The following ITPR2 variants were observed in gnomAD, a reference collection of about 807,000 sequenced individuals.
ITPR2 encodes inositol 1,4,5-trisphosphate-gated calcium channel ITPR2.
In ITPR2, 207 loss-of-function variants were observed where a neutral mutation model predicts 317.1. The observed-to-expected ratio is 0.65, with a 90% CI of 0.58 to 0.73. ITPR2 has a LOEUF of 0.73. Among genes scored for constraint, ITPR2 ranks in the 30% least tolerant of loss-of-function variants. The pLI is 0.00. For synonymous variants in ITPR2, 1,156 were observed against 1,149.1 expected, an observed-to-expected ratio of 1.01 and a Z score of -0.12; for missense variants, 2,613 against 3,284.0, an observed-to-expected ratio of 0.80 and a Z score of 4.99.
At chr12:26,618,914 T>C (rs1946431916) in intron 26 of ITPR2, among the ~76,000 whole-genome samples, 1 of 152,358 alleles carries the variant, frequency 6.6e-6, no homozygotes, top group African/African-American at 2.4e-5. Flanking sequence ...ATATTTCTTA[T>C]GTTTTAGAAA....
At chr12:26,529,340 C>A (rs1050968151) in intron 37 of ITPR2, among the ~76,000 whole-genome samples, 40 of 152,184 alleles carry the variant, frequency 2.6e-4, no homozygotes, top group African/African-American at 9.4e-4. Flanking sequence ...GTCACTGAGC[C>A]CTTTCTAGCC....
At chr12:26,590,636 A>C (rs1945674730) in intron 32 of ITPR2, among the ~76,000 whole-genome samples, 1 of 152,212 alleles carries the variant, frequency 6.6e-6, no homozygotes. Context: ...TGGATTAAAG[A>C]CTTAAATCTG....
chr12:26,381,898 T>C (rs1229584188), intron 55 of ITPR2, among the ~76,000 whole-genome samples: 4 of 152,194 alleles, frequency 2.6e-5, no homozygotes, highest in Non-Finnish European at 5.9e-5. Flanking sequence ...TTTTTCAAAT[T>C]AAGTACAAAT....
chr12:26,429,768 C>T (rs1195986946), intron 48 of ITPR2, among the ~76,000 whole-genome samples: 2 of 152,212 alleles, frequency 1.3e-5, no homozygotes, highest in Non-Finnish European at 2.9e-5. Flanking sequence ...TATCAACTCC[C>T]CAAGTCATAC....
chr12:26,719,383 T>C (rs550114098), intron 5 of ITPR2, among the ~76,000 whole-genome samples: 2 of 152,334 alleles, frequency 1.3e-5, no homozygotes, highest in African/African-American at 4.8e-5. Flanking sequence ...TTCACTCTAG[T>C]ACACAAACAT....
At chr12:26,623,826 AGTCAT>A (rs1946558335) in intron 24 of ITPR2, among the ~76,000 whole-genome samples, 2 of 152,232 alleles carry the variant, frequency 1.3e-5, no homozygotes, top group South Asian at 4.1e-4. Context: ...AAAGGAGGCT[AGTCAT>A]GTCAAAGGTG....
At position 26,481,258 on chromosome 12, in the gene ITPR2, T is replaced by A. The variant is rs1199079193; in HGVS notation, c.6013-17A>T. ...GATACAGGTCTAGAAAACAAAATAT[T>A]TGTAAAATATCATTTTATTCACAAC... On this transcript the variant is annotated splice_polypyrimidine_tract_variant and intron_variant, in intron 42 of 56. Coordinates refer to ENST00000381340, the MANE Select transcript of ITPR2 (RefSeq NM_002223.4). The A allele has an allele frequency of 7.3e-7, 1 of 1,369,476 alleles. No individual in the cohort carries two copies. The highest frequency in any genetic ancestry group is 1.0e-6 in the Non-Finnish European group (1 of 960,100). 84.8% of individuals were successfully genotyped at this position (1,369,476 alleles called of 1,614,324 possible). A position where few individuals can be genotyped will look rare whatever the true frequency, so the allele number is the denominator to read the frequency against.
rs2137256530 is a variant in ITPR2, at chr12:26,807,408, A to C, written c.93-17181T>G. Among the ~76,000 whole-genome samples the C allele has an allele frequency of 1.3e-5, 2 of 152,282 alleles. 1 individual carries two copies. Among genetic ancestry groups the C allele is most frequent in the African/African-American group, 4.8e-5 (2 of 41,548 alleles). On this transcript the variant is annotated intron_variant, in intron 1 of 56. Transcript: ENST00000381340. ...TCCCACCCAGAATCAACCTGCACTG[A>C]TTCTACTTATGAACCCAGCCAAGCA...
At chr12:26,556,425 C>T (rs1466736943) in intron 35 of ITPR2, 50 bp from the exon 36 acceptor site, 2 of 1,566,150 alleles carry the variant, frequency 1.3e-6, no homozygotes, top group Non-Finnish European at 1.7e-6. Flanking sequence ...AGTCAGATTT[C>T]ATCTTTCGAA....
chr12:26,442,074 C>T (rs1941499839), intron 46 of ITPR2, among the ~76,000 whole-genome samples: 1 of 152,066 alleles, frequency 6.6e-6, no homozygotes, highest in Non-Finnish European at 1.5e-5. Flanking sequence ...CTATCCCACT[C>T]TCTTTTCCAG....
At chr12:26,537,382 G>A (rs1040506220) in intron 37 of ITPR2, among the ~76,000 whole-genome samples, 2 of 152,300 alleles carry the variant, frequency 1.3e-5, no homozygotes, top group African/African-American at 4.8e-5. Context: ...CACCAGGGTG[G>A]TAGATGGCAA....
chr12:26,440,020 C>G (rs1452224897), intron 46 of ITPR2, among the ~76,000 whole-genome samples: 1 of 152,140 alleles, frequency 6.6e-6, no homozygotes, highest in Admixed American at 6.5e-5. Flanking sequence ...TATTTATGTA[C>G]AGTGCCCAGT....
At chr12:26,452,349 C>T (rs943978169) in intron 45 of ITPR2, among the ~76,000 whole-genome samples, 1 of 146,984 alleles carries the variant, frequency 6.8e-6, no homozygotes, top group Non-Finnish European at 1.5e-5. Context: ...TGTAGATACT[C>T]TTAATAACAG....
intron 41 of ITPR2, 29 bp from the exon 42 acceptor site, chr12:26,483,927 G>A (rs753991507): frequency 6.3e-7 from 1 of 1,587,840 alleles, no homozygotes; most frequent in South Asian, 1.1e-5. Context: ...AAAATTGAAG[G>A]GTTACAAAAA....
At chr12:26,714,281 G>A (rs551008210) in intron 8 of ITPR2, among the ~76,000 whole-genome samples, 2 of 151,940 alleles carry the variant, frequency 1.3e-5, no homozygotes, top group South Asian at 2.1e-4. Flanking sequence ...CCGTTATTAC[G>A]TCTCCTAACA....
chr12:26,447,566 AATT>A, intron 45 of ITPR2, among the ~76,000 whole-genome samples: 1 of 151,938 alleles, frequency 6.6e-6, no homozygotes, highest in Non-Finnish European at 1.5e-5. Context: ...ATTCAATAAT[AATT>A]ATTTCTTCGT....
chr12:26,786,773 A>T (rs1950260049), intron 2 of ITPR2, among the ~76,000 whole-genome samples: 1 of 152,222 alleles, frequency 6.6e-6, no homozygotes, highest in Non-Finnish European at 1.5e-5. Context: ...GATTCACTTG[A>T]ACAAATCATA....
intron 32 of ITPR2, among the ~76,000 whole-genome samples, chr12:26,582,957 T>C (rs1241846060): frequency 6.6e-6 from 1 of 152,040 alleles, no homozygotes; most frequent in Non-Finnish European, 1.5e-5. Context: ...CTCCCTCTCC[T>C]TGTAGGGGCT....
chr12:26,634,066 G>T (rs1176289268), intron 21 of ITPR2, among the ~76,000 whole-genome samples: 7 of 152,166 alleles, frequency 4.6e-5, no homozygotes, highest in Admixed American at 4.6e-4. Context: ...GAAATGGGAG[G>T]GTTCACTCAG....
Sources: allele counts gnomAD v4.1 joint callset (sites outside exome capture counted in the v4.1 genomes callset), GRCh38; gene constraint gnomAD v4.1.1; transcripts MANE v1.5; gene names NCBI Gene and HGNC (gene_info 2026-07-23, HGNC 2026-07-21).